The following KIF18A variants were observed in gnomAD, a reference collection of about 807,000 sequenced individuals.
KIF18A encodes the protein kinesin-like protein KIF18A.
KIF18A carries 67 observed loss-of-function variants against 103.3 expected under a neutral mutation model. That is an observed-to-expected ratio of 0.65 (90% CI 0.53 to 0.79). The LOEUF is 0.79. Ranked by LOEUF, KIF18A falls within the 30% of genes least tolerant of loss-of-function variation. The probability of loss-of-function intolerance (pLI) is 0.00; values close to 1 mark genes in which losing one functional copy is unlikely to be tolerated. For synonymous variants in KIF18A, 367 were observed against 355.5 expected, an observed-to-expected ratio of 1.03 and a Z score of -0.36; for missense variants, 1,032 against 1,062.5, an observed-to-expected ratio of 0.97 and a Z score of 0.40.
intron 16 of KIF18A, among the ~76,000 whole-genome samples, chr11:28,023,254 C>A (rs1273039196): frequency 6.6e-6 from 1 of 152,076 alleles, no homozygotes; most frequent in Non-Finnish European, 1.5e-5. Context: ...CCATCAGTAT[C>A]TTTTCCAACT....
chr11:28,085,874 G>A (rs1163231925), intron 6 of KIF18A, among the ~76,000 whole-genome samples: 5 of 152,064 alleles, frequency 3.3e-5, no homozygotes, highest in Non-Finnish European at 5.9e-5. Context: ...GAACTTAAGC[G>A]CTACCCAATT....
chr11:28,061,578 T>C (rs1437272871), intron 12 of KIF18A, among the ~76,000 whole-genome samples: 5 of 152,278 alleles, frequency 3.3e-5, no homozygotes, highest in African/African-American at 9.6e-5. Flanking sequence ...GCTCTAGGAA[T>C]AGACACAGAA....
chr11:28,043,192 G>A (rs973750020), intron 13 of KIF18A, among the ~76,000 whole-genome samples: 2 of 151,914 alleles, frequency 1.3e-5, no homozygotes, highest in South Asian at 4.2e-4. Flanking sequence ...ATATTAAAAA[G>A]TACCCGATAT....
rs1486238686 is a variant in KIF18A, at chr11:28,059,078, G to T, written c.1796C>A (p.Ser599Tyr). 1.2e-6 allele frequency: 2 copies of T among 1,613,860 alleles called. No homozygotes were observed. The highest frequency in any genetic ancestry group is 8.5e-7 in the Non-Finnish European group (1 of 1,179,944). ...CAAATGTTCGATCTCTTTGAAGTCA[G>T]ATTCAAAAGCAGCATTTGACAGGCC... Reference protein sequence around the residue: ...EAGLSNAAFESDFKEIEHLVE... With the variant: ...EAGLSNAAFEYDFKEIEHLVE... The change falls in exon 13 of 17, where the codon TCT (serine) becomes TAT (tyrosine). Residue 599 changes from serine (S) to tyrosine (Y), a missense_variant. Transcript: ENST00000263181.
rs1233423271 is a variant in KIF18A, at chr11:28,037,390, TA to T, written c.1949-727del. On this transcript the variant is annotated intron_variant, in intron 13 of 16. Transcript: ENST00000263181. ...AAACAAACAAATAAACCAAAACAATTAAAAAAATATACAATATAACAACCAC... is the reference window on the plus strand; with the variant it reads ...AAACAAACAAATAAACCAAAACAATTAAAAAATATACAATATAACAACCAC... 9.9e-5 allele frequency among the ~76,000 whole-genome samples: 15 copies of T among 151,496 alleles called. 1 individual carries two copies. Among genetic ancestry groups the T allele is most frequent in the Middle Eastern group, 3.4e-3 (1 of 294 alleles).
intron 13 of KIF18A, among the ~76,000 whole-genome samples, chr11:28,042,589 T>G (rs1013423626): frequency 6.6e-5 from 10 of 151,920 alleles, no homozygotes; most frequent in African/African-American, 2.4e-4. Flanking sequence ...AATATACATA[T>G]TAGAATCTTT....
intron 4 of KIF18A, among the ~76,000 whole-genome samples, chr11:28,091,145 A>ATACATACATAC (rs1565089741): frequency 2.8e-3 from 289 of 101,412 alleles, no homozygotes; most frequent in East Asian, 0.011. Flanking sequence ...TAAATAAATA[A>ATACATACATAC]ATAAATACAT....
At chr11:28,098,298 C>T (rs1385035582) in intron 1 of KIF18A, among the ~76,000 whole-genome samples, 1 of 152,164 alleles carries the variant, frequency 6.6e-6, no homozygotes, top group Admixed American at 6.6e-5. Flanking sequence ...AACTCAAATA[C>T]TATAGCTGAA....
Position 28,041,674 on chromosome 11 carries a change from C to T in KIF18A, c.1949-5010G>A, listed in dbSNP as rs113614724. On this transcript the variant is annotated intron_variant, in intron 13 of 16. Coordinates refer to ENST00000263181, the MANE Select transcript of KIF18A (RefSeq NM_031217.4). The stretch of plus-strand genomic sequence containing the variant: ...ATTTGCTTGCTGTGTCAAGAATGGT[C>T]AAGAGAGAAAACAGAAAAATCGGTA... 6.6e-4 allele frequency among the ~76,000 whole-genome samples: 100 copies of T among 151,582 alleles called. 1 individual carries two copies. The highest frequency in any genetic ancestry group is 2.3e-3 in the African/African-American group (96 of 41,380).
chr11:28,090,592 G>A (rs1851288159), intron 5 of KIF18A, 25 bp downstream of exon 5: 1 of 1,161,612 alleles, frequency 8.6e-7, no homozygotes. Context: ...CCAATTTTAA[G>A]AGTGATAGTC....
intron 6 of KIF18A, among the ~76,000 whole-genome samples, chr11:28,087,438 T>C (rs1361745471): frequency 1.3e-5 from 2 of 152,238 alleles, no homozygotes; most frequent in Admixed American, 1.3e-4. Flanking sequence ...CATGGCTGCA[T>C]AGTATTGCAT....
chr11:28,069,491 C>G, intron 10 of KIF18A, 68 bp from the exon 11 acceptor site: 1 of 1,425,416 alleles, frequency 7.0e-7, no homozygotes, highest in Non-Finnish European at 9.6e-7. Flanking sequence ...TATTAGTAAA[C>G]TAGTATATTT....
At chr11:28,083,979 C>T (rs1173378893) in intron 7 of KIF18A, among the ~76,000 whole-genome samples, 1 of 151,990 alleles carries the variant, frequency 6.6e-6, no homozygotes, top group East Asian at 1.9e-4. Context: ...CAGCTTAACT[C>T]TAGGTTTTTT....
chr11:28,039,537 C>A (rs1850533963), intron 13 of KIF18A, among the ~76,000 whole-genome samples: 1 of 151,614 alleles, frequency 6.6e-6, no homozygotes, highest in Non-Finnish European at 1.5e-5. Context: ...GGCAACTGGG[C>A]AAATTCCCAT....
At chr11:28,038,556 C>A (rs915367301) in intron 13 of KIF18A, among the ~76,000 whole-genome samples, 5 of 151,530 alleles carry the variant, frequency 3.3e-5, no homozygotes, top group Non-Finnish European at 7.4e-5. Flanking sequence ...ACATTGAAAG[C>A]AGAATAAGAT....
Position 28,088,696 on chromosome 11 carries a change from GT to G in KIF18A, c.724del (p.Thr242GlnfsTer35). On this transcript the variant is annotated frameshift_variant, in exon 6 of 17. Transcript: ENST00000263181. LOFTEE classifies it high-confidence loss of function. Reference protein sequence around the residue: ...FQIYLRQQDKTASINQNVRIA... With the variant: ...FQIYLRQQDKXASINQNVRIA... ...ACGGACATTTTGATTGATACTTGCT[GT>G]TTTGTCTTGTTGTCGCAAGTAAATC... The G allele has an allele frequency of 1.9e-6, 3 of 1,613,716 alleles. No homozygotes were observed. Among genetic ancestry groups the G allele is most frequent in the Non-Finnish European group, 2.5e-6 (3 of 1,179,774 alleles).
At position 28,036,446 on chromosome 11, in the gene KIF18A, T is replaced by A. The variant is rs1850491742; in HGVS notation, c.2167A>T (p.Met723Leu). 1 of 1,610,906 alleles carries A rather than the reference T, an allele frequency of 6.2e-7. No individual in the cohort carries two copies. The highest frequency in any genetic ancestry group is 8.5e-7 in the Non-Finnish European group (1 of 1,177,902). ...CTTGTAGTAAATGATGATGGTTTCA[T>A]TAAGGTTACTGTAGACGGATTTTGA... Reference protein sequence around the residue: ...AFQNPSTVTLMKPSSFTTSFQ... With the variant: ...AFQNPSTVTLLKPSSFTTSFQ... Residue 723 changes from methionine to leucine, a missense_variant, in exon 14 of 17, where the codon ATG (methionine) becomes TTG (leucine). Coordinates refer to ENST00000263181, the MANE Select transcript of KIF18A (RefSeq NM_031217.4).
intron 10 of KIF18A, among the ~76,000 whole-genome samples, chr11:28,072,720 T>G (rs1173087688): frequency 6.6e-6 from 1 of 151,214 alleles, no homozygotes; most frequent in Non-Finnish European, 1.5e-5. Context: ...GGCAATTGGG[T>G]TGAAAAAAGT....
chr11:28,082,972 G>C lies in KIF18A; in HGVS notation c.1150-4C>G, dbSNP rs1317257919. 6.5e-7 allele frequency: 1 copy of C among 1,541,796 alleles called. No individual in the cohort carries two copies. The highest frequency in any genetic ancestry group is 8.8e-7 in the Non-Finnish European group (1 of 1,131,660). On this transcript the variant is annotated splice_polypyrimidine_tract_variant and splice_region_variant and intron_variant, in intron 8 of 16. Coordinates refer to ENST00000263181, the MANE Select transcript of KIF18A (RefSeq NM_031217.4). ...GTTTTTCTTTTAACAATAAAATCTA[G>C]TAGAGAGAAATCACTAGTTAAAATA...
Sources: allele counts gnomAD v4.1 joint callset (sites outside exome capture counted in the v4.1 genomes callset), GRCh38; gene constraint gnomAD v4.1.1; transcripts MANE v1.5; gene names NCBI Gene and HGNC (gene_info 2026-07-23, HGNC 2026-07-21).